Variants in ZNF438 observed in about 807,000 individuals in gnomAD.
ZNF438 encodes zinc finger protein 438.
A neutral mutation model predicts 38.0 loss-of-function variants in ZNF438; 25 were observed. The ratio of observed to expected loss-of-function variants is 0.66; its 90% confidence interval spans 0.48 to 0.92. ZNF438 has a LOEUF of 0.92. Among genes scored for constraint, ZNF438 ranks in the 40% least tolerant of loss-of-function variants. The probability of loss-of-function intolerance (pLI) is 0.00; values close to 1 mark genes in which losing one functional copy is unlikely to be tolerated. For missense variants in ZNF438, 1,007 were observed against 999.6 expected, an observed-to-expected ratio of 1.01 and a Z score of -0.10; for synonymous variants, 372 against 364.1, an observed-to-expected ratio of 1.02 and a Z score of -0.25.
chr10:30,956,987 G>A (rs577162864), intron 1 of ZNF438, among the ~76,000 whole-genome samples: 3 of 152,252 alleles, frequency 2.0e-5, no homozygotes, highest in South Asian at 4.1e-4. Context: ...TATTATGGCT[G>A]TACTAATTTA....
At chr10:31,015,579 G>A (rs147700734) in intron 1 of ZNF438, among the ~76,000 whole-genome samples, 577 of 152,324 alleles carry the variant, frequency 3.8e-3, no homozygotes, top group Non-Finnish European at 5.6e-3. Context: ...GGGAGGCTGA[G>A]GTTGCAGTGA....
exon 5 of ZNF438, chr10:30,850,184 C>T (rs2033315483): frequency 6.2e-7 from 1 of 1,613,970 alleles, no homozygotes; most frequent in African/African-American, 1.3e-5. Context: ...GGTGGACATC[C>T]CCAGCAGCTT....
intron 2 of ZNF438, among the ~76,000 whole-genome samples, chr10:30,924,430 C>T (rs866693848): frequency 2.2e-4 from 34 of 152,224 alleles, no homozygotes; most frequent in Middle Eastern, 6.8e-3. Flanking sequence ...ATGAGGGGTG[C>T]GGCATTTCCT....
chr10:30,934,446 T>G (rs1306653763), intron 2 of ZNF438, among the ~76,000 whole-genome samples: 2 of 152,220 alleles, frequency 1.3e-5, no homozygotes, highest in African/African-American at 4.8e-5. Flanking sequence ...CACAGCACTA[T>G]CCTTACAATT....
At chr10:30,894,428 G>A (rs1482951867) in intron 3 of ZNF438, among the ~76,000 whole-genome samples, 2 of 152,186 alleles carry the variant, frequency 1.3e-5, no homozygotes, top group African/African-American at 4.8e-5. Context: ...CCAGCACCTG[G>A]GAAGTATTAA....
chr10:30,902,835 G>A (rs1049827694), intron 3 of ZNF438, among the ~76,000 whole-genome samples: 1 of 152,246 alleles, frequency 6.6e-6, no homozygotes, highest in Non-Finnish European at 1.5e-5. Context: ...GGTGGTAGAT[G>A]GGACCAGGCG....
intron 2 of ZNF438, among the ~76,000 whole-genome samples, chr10:30,933,973 C>T (rs1037398740): frequency 6.9e-4 from 105 of 151,914 alleles, no homozygotes; most frequent in Non-Finnish European, 1.2e-3. Flanking sequence ...GGTGAAACCC[C>T]GTCTCTACTA....
chr10:30,888,344 A>AACAAACACACAC (rs2040224589), intron 3 of ZNF438, among the ~76,000 whole-genome samples: 1 of 147,296 alleles, frequency 6.8e-6, no homozygotes, highest in Non-Finnish European at 1.5e-5. Context: ...TAATATTATA[A>AACAAACACACAC]ACACACACAC....
At chr10:30,951,715 G>A (rs1345131912) in intron 1 of ZNF438, among the ~76,000 whole-genome samples, 1 of 151,278 alleles carries the variant, frequency 6.6e-6, no homozygotes, top group Non-Finnish European at 1.5e-5. Flanking sequence ...CCTCTTCAAG[G>A]ATAACTATAA....
intron 4 of ZNF438, among the ~76,000 whole-genome samples, chr10:30,864,998 C>T (rs958257544): frequency 2.6e-5 from 4 of 152,214 alleles, no homozygotes; most frequent in South Asian, 2.1e-4. Flanking sequence ...GGTATTGAGA[C>T]TTGGATTTTA....
chr10:30,914,783 T>C (rs540536525), intron 2 of ZNF438, among the ~76,000 whole-genome samples: 4 of 151,948 alleles, frequency 2.6e-5, no homozygotes, highest in African/African-American at 9.7e-5. Flanking sequence ...GAGATTTAGG[T>C]AGACAGAAAG....
chr10:30,991,657 T>C (rs898799541), intron 1 of ZNF438, among the ~76,000 whole-genome samples: 4 of 152,110 alleles, frequency 2.6e-5, no homozygotes, highest in African/African-American at 7.2e-5. Context: ...TCTGAGGGAA[T>C]TGACATAGTT....
intron 3 of ZNF438, among the ~76,000 whole-genome samples, chr10:30,907,914 G>C (rs1181739749): frequency 6.6e-6 from 1 of 151,742 alleles, no homozygotes; most frequent in Non-Finnish European, 1.5e-5. Context: ...GTGAAAAGTT[G>C]GGTTATCAAT....
rs1248003471 is a variant in ZNF438 at position 30,874,507 on chromosome 10, A to AG, written c.37+2490_37+2491insC. Among the ~76,000 whole-genome samples the AG allele has an allele frequency of 3.9e-3, 586 of 149,068 alleles. 7 individuals are homozygous for AG. The highest frequency in any genetic ancestry group is 0.014 in the African/African-American group (549 of 38,462). ...ATTAATACATCTGATGCTTTTGTTA[A>AG]AAAATATTAATATTAATCTAAGACA... is the stretch of plus-strand genomic sequence containing the variant. On this transcript the variant is annotated intron_variant, in intron 4 of 5. Coordinates refer to ENST00000413025, the Ensembl canonical transcript of ZNF438.
intron 3 of ZNF438, among the ~76,000 whole-genome samples, chr10:30,888,252 A>G (rs7913656): frequency 0.43 from 64,987 of 151,798 alleles, 14,385 homozygotes; most frequent in Non-Finnish European, 0.47. Context: ...ATTTAAAAAA[A>G]CTACCTCTTC....
intron 3 of ZNF438, among the ~76,000 whole-genome samples, chr10:30,891,953 T>G (rs2040743779): frequency 6.6e-6 from 1 of 152,166 alleles, no homozygotes; most frequent in Non-Finnish European, 1.5e-5. Flanking sequence ...GATGAACGCT[T>G]TTCAAAAAAG....
At chr10:30,953,432 G>T (rs1338221990) in intron 1 of ZNF438, among the ~76,000 whole-genome samples, 5 of 147,012 alleles carry the variant, frequency 3.4e-5, no homozygotes, top group Non-Finnish European at 6.0e-5. Context: ...AAAAAAAAAA[G>T]TAAAAGAATC....
intron 1 of ZNF438, chr10:30,999,363 C>T (rs1312227575): frequency 6.6e-6 from 1 of 152,348 alleles, no homozygotes; most frequent in East Asian, 1.9e-4. Context: ...CCTCTCGGAG[C>T]TCAGCAGTCA....
At chr10:30,907,178 G>C (rs1374362620) in intron 3 of ZNF438, among the ~76,000 whole-genome samples, 1 of 152,036 alleles carries the variant, frequency 6.6e-6, no homozygotes, top group Non-Finnish European at 1.5e-5. Flanking sequence ...TTTCACCATG[G>C]TGGCTAGGCT....
Sources: allele counts gnomAD v4.1 joint callset (sites outside exome capture counted in the v4.1 genomes callset), GRCh38; gene constraint gnomAD v4.1.1; transcripts MANE v1.5; gene names NCBI Gene and HGNC (gene_info 2026-07-23, HGNC 2026-07-21).